The following PTPRD variants were observed in gnomAD, a reference collection of about 807,000 sequenced individuals.
PTPRD encodes protein tyrosine phosphatase receptor type D, also known as receptor-type tyrosine-protein phosphatase delta.
PTPRD carries 34 observed loss-of-function variants against 214.5 expected under a neutral mutation model. The ratio of observed to expected loss-of-function variants is 0.16; its 90% CI spans 0.12 to 0.21. The LOEUF (loss-of-function observed/expected upper bound fraction) is 0.21. Ranked by LOEUF, PTPRD falls within the 10% of genes least tolerant of loss-of-function variation. The pLI is 1.00. For missense variants in PTPRD, 2,545 were observed against 2,398.7 expected, an observed-to-expected ratio of 1.06 and a Z score of -1.27; for synonymous variants, 1,128 against 845.7, an observed-to-expected ratio of 1.33 and a Z score of -5.79.
At chr9:8,587,783 TTAG>T (rs2093783562) in intron 14 of PTPRD, among the ~76,000 whole-genome samples, 1 of 152,152 alleles carries the variant, frequency 6.6e-6, no homozygotes, top group Non-Finnish European at 1.5e-5. Context: ...AGGAAAACAC[TTAG>T]TAGGAAAGGA....
intron 3 of PTPRD, among the ~76,000 whole-genome samples, chr9:10,111,481 G>T (rs569243422): frequency 6.6e-6 from 1 of 151,486 alleles, no homozygotes; most frequent in African/African-American, 2.4e-5. Context: ...CTCGTGATCC[G>T]CCCGCCTCGG....
intron 11 of PTPRD, among the ~76,000 whole-genome samples, chr9:8,932,696 C>T (rs2098961339): frequency 6.6e-6 from 1 of 152,134 alleles, no homozygotes; most frequent in African/African-American, 2.4e-5. Flanking sequence ...CTACTCAAAC[C>T]TCAGTAAAGG....
chr9:9,219,557 C>T (rs1312869221), intron 9 of PTPRD, among the ~76,000 whole-genome samples: 1 of 152,104 alleles, frequency 6.6e-6, no homozygotes, highest in Non-Finnish European at 1.5e-5. Flanking sequence ...TAAATTCTTT[C>T]CCAATAATAC....
intron 10 of PTPRD, among the ~76,000 whole-genome samples, chr9:9,139,760 G>T (rs2099856928): frequency 6.6e-6 from 1 of 152,134 alleles, no homozygotes; most frequent in African/African-American, 2.4e-5. Flanking sequence ...TTGACCACAG[G>T]TAATTGAAAC....
intron 9 of PTPRD, among the ~76,000 whole-genome samples, chr9:9,208,269 C>T (rs1461049203): frequency 6.6e-6 from 1 of 151,842 alleles, no homozygotes; most frequent in East Asian, 2.0e-4. Flanking sequence ...CCGCCTCGGC[C>T]TCCCAAAGTG....
intron 2 of PTPRD, among the ~76,000 whole-genome samples, chr9:10,588,918 T>C (rs1455963404): frequency 6.6e-6 from 1 of 152,082 alleles, no homozygotes; most frequent in Non-Finnish European, 1.5e-5. Flanking sequence ...ACATTTTACT[T>C]GGTCTATTTC....
intron 39 of PTPRD, among the ~76,000 whole-genome samples, chr9:8,354,970 C>T (rs1339309561): frequency 7.9e-5 from 12 of 152,144 alleles, no homozygotes; most frequent in East Asian, 3.9e-4. Context: ...TTTTAAAGCA[C>T]TGCCAAAATA....
chr9:9,826,345 T>C (rs919672301), intron 5 of PTPRD, among the ~76,000 whole-genome samples: 9 of 151,884 alleles, frequency 5.9e-5, no homozygotes, highest in African/African-American at 1.9e-4. Flanking sequence ...TTTCTAATAC[T>C]GATTAATGTT....
intron 11 of PTPRD, among the ~76,000 whole-genome samples, chr9:8,929,497 A>G (rs577122980): frequency 4.3e-4 from 65 of 151,786 alleles, no homozygotes; most frequent in African/African-American, 1.2e-3. Context: ...ACATTTATTG[A>G]TTTGCGTATG....
intron 11 of PTPRD, among the ~76,000 whole-genome samples, chr9:8,798,142 T>C (rs985318399): frequency 2.6e-5 from 4 of 152,324 alleles, no homozygotes; most frequent in African/African-American, 9.6e-5. Context: ...ACATTTTATA[T>C]GACTAAGTAT....
chr9:9,422,780 G>C (rs1286333175), intron 8 of PTPRD, among the ~76,000 whole-genome samples: 1 of 152,104 alleles, frequency 6.6e-6, no homozygotes, highest in African/African-American at 2.4e-5. Context: ...CCAGGAGTTA[G>C]CCCAGCTCTT....
chr9:10,136,358 A>C (rs2098943552), intron 3 of PTPRD, among the ~76,000 whole-genome samples: 1 of 152,116 alleles, frequency 6.6e-6, no homozygotes, highest in African/African-American at 2.4e-5. Flanking sequence ...TTTTGGACTT[A>C]AACTCGACAC....
At chr9:10,117,444 A>G (rs758217875) in intron 3 of PTPRD, among the ~76,000 whole-genome samples, 19 of 152,116 alleles carry the variant, frequency 1.2e-4, no homozygotes, top group Non-Finnish European at 2.4e-4. Context: ...ACAGTTCTGG[A>G]GGCTAGAAGT....
intron 35 of PTPRD, 72 bp from the exon 36 acceptor site, chr9:8,404,732 T>G: frequency 1.3e-6 from 2 of 1,500,226 alleles, no homozygotes; most frequent in South Asian, 1.3e-5. Flanking sequence ...ATTTATCACA[T>G]GTAATAAACA....
chr9:9,190,473 C>A (rs1010762049), intron 9 of PTPRD, among the ~76,000 whole-genome samples: 6 of 151,964 alleles, frequency 3.9e-5, no homozygotes, highest in Non-Finnish European at 8.8e-5. Flanking sequence ...GTAAGAAGTG[C>A]CTTTCACCTC....
chr9:8,546,426 C>T (rs1308987610), intron 14 of PTPRD, among the ~76,000 whole-genome samples: 1 of 152,104 alleles, frequency 6.6e-6, no homozygotes, highest in Non-Finnish European at 1.5e-5. Context: ...ACTATATCCT[C>T]GTTCTCAAGA....
intron 7 of PTPRD, among the ~76,000 whole-genome samples, chr9:9,699,947 G>T (rs938783615): frequency 3.3e-5 from 5 of 152,142 alleles, no homozygotes; most frequent in Non-Finnish European, 4.4e-5. Context: ...TGACAAGTAT[G>T]CATTCCTCAG....
At position 9,069,555 on chromosome 9, in the gene PTPRD, A is replaced by T. The variant is rs547624403; in HGVS notation, c.-142-50820T>A. ...CATGATGCTACCTTAACTGTTCAGT[A>T]ACAACCTTAGATTGCTGGCTCCAGC... On this transcript the variant is annotated intron_variant, in intron 10 of 45. Transcript: ENST00000381196. 2.7e-4 allele frequency among the ~76,000 whole-genome samples: 41 copies of T among 152,372 alleles called. 1 individual carries two copies. In the South Asian group the frequency reaches 6.4e-3, roughly 24 times the overall value.
chr9:8,586,887 C>G (rs752891037), intron 14 of PTPRD, among the ~76,000 whole-genome samples: 75 of 152,132 alleles, frequency 4.9e-4, no homozygotes, highest in Non-Finnish European at 8.7e-4. Context: ...GTGGCTCAGG[C>G]CTGTAATCCC....
Sources: allele counts gnomAD v4.1 joint callset (sites outside exome capture counted in the v4.1 genomes callset), GRCh38; gene constraint gnomAD v4.1.1; transcripts MANE v1.5; gene names NCBI Gene and HGNC (gene_info 2026-07-23, HGNC 2026-07-21).